CDH18: variants seen among roughly 807,000 people sequenced by gnomAD.
The protein encoded by CDH18 is cadherin 18.
Under a neutral mutation model 67.9 loss-of-function variants are expected in CDH18, and 31 were observed. The observed-to-expected ratio is 0.46, with a 90% CI of 0.34 to 0.62. CDH18 has a LOEUF of 0.62. CDH18 is among the 20% of genes least tolerant of loss of function. The probability of loss-of-function intolerance (pLI) is 0.01; values close to 1 mark genes in which losing one functional copy is unlikely to be tolerated. For missense variants in CDH18, 890 were observed against 975.5 expected (o/e 0.91, Z 1.17); for synonymous variants, 362 against 347.2 (o/e 1.04, Z -0.48).
At chr5:19,765,759 C>T (rs979321968) in intron 3 of CDH18, among the ~76,000 whole-genome samples, 2 of 152,084 alleles carry the variant, frequency 1.3e-5, no homozygotes, top group African/African-American at 2.4e-5. Context: ...TGGGGTTACT[C>T]AACCCAGGGT....
At position 20,039,047 on chromosome 5, in the gene CDH18, A is replaced by C. The variant is rs145788092; in HGVS notation, c.-517-47033T>G. Among the ~76,000 whole-genome samples, 3,164 of 152,080 alleles carry C rather than the reference A, an allele frequency of 0.021. 180 individuals carry two copies. In the East Asian group the frequency reaches 0.25, roughly 12 times the overall value. Reference sequence around the variant, plus strand: ...AAATCACAAGCATTCCTTTACACCAATAACAGACAAACAGAGAGCCAAATA... The same window carrying C: ...AAATCACAAGCATTCCTTTACACCACTAACAGACAAACAGAGAGCCAAATA... On this transcript the variant is annotated intron_variant, in intron 2 of 14. Transcript: ENST00000507958.
At chr5:20,177,520 ATTT>A (rs1737331517) in intron 2 of CDH18, among the ~76,000 whole-genome samples, 2 of 152,008 alleles carry the variant, frequency 1.3e-5, no homozygotes, top group Non-Finnish European at 2.9e-5. Context: ...GTGATGGTTA[ATTT>A]TATGTGTCAA....
chr5:19,713,361 C>T (rs1056513748), intron 5 of CDH18, among the ~76,000 whole-genome samples: 3 of 152,032 alleles, frequency 2.0e-5, no homozygotes, highest in Non-Finnish European at 2.9e-5. Context: ...TGAAGAAGTA[C>T]ATTCAATTGG....
intron 5 of CDH18, among the ~76,000 whole-genome samples, chr5:19,716,177 T>C (rs1238938746): frequency 2.0e-5 from 3 of 152,060 alleles, no homozygotes; most frequent in Non-Finnish European, 1.5e-5. Flanking sequence ...TTCCAAGGAC[T>C]GGACTAAGAG....
intron 2 of CDH18, among the ~76,000 whole-genome samples, chr5:19,841,345 A>T (rs1320714349): frequency 6.6e-6 from 1 of 152,194 alleles, no homozygotes; most frequent in African/African-American, 2.4e-5. Context: ...AGAGCATTGG[A>T]AAGAGAGTCA....
At chr5:19,817,124 C>T (rs190282105) in intron 3 of CDH18, among the ~76,000 whole-genome samples, 334 of 151,940 alleles carry the variant, frequency 2.2e-3, no homozygotes, top group African/African-American at 7.8e-3. Flanking sequence ...AAAACATCAT[C>T]AATTTTACTC....
At chr5:19,856,813 T>C (rs1784336031) in intron 2 of CDH18, among the ~76,000 whole-genome samples, 1 of 152,150 alleles carries the variant, frequency 6.6e-6, no homozygotes. Flanking sequence ...AAAATAAATT[T>C]CTGTTGTTTC....
intron 2 of CDH18, among the ~76,000 whole-genome samples, chr5:20,079,342 C>G (rs1438607768): frequency 6.6e-6 from 1 of 152,164 alleles, no homozygotes; most frequent in Non-Finnish European, 1.5e-5. Context: ...GCTTATCTCA[C>G]TTTACCTATG....
At chr5:20,296,236 T>G (rs113308001) in intron 1 of CDH18, among the ~76,000 whole-genome samples, 2,150 of 151,182 alleles carry the variant, frequency 0.014, 56 homozygotes, top group African/African-American at 0.047. Flanking sequence ...TAAGGTTTTT[T>G]TTTGTTTGTT....
At chr5:19,924,066 G>C (rs967430378) in intron 2 of CDH18, among the ~76,000 whole-genome samples, 1 of 152,108 alleles carries the variant, frequency 6.6e-6, no homozygotes, top group Non-Finnish European at 1.5e-5. Context: ...TTATTGCATG[G>C]AATATAACCC....
chr5:20,499,844 G>A (rs1348429905), intron 1 of CDH18, among the ~76,000 whole-genome samples: 1 of 152,126 alleles, frequency 6.6e-6, no homozygotes, highest in Non-Finnish European at 1.5e-5. Flanking sequence ...TAAATTTGCT[G>A]TATACTGACA....
At chr5:19,755,695 T>C (rs547176332) in intron 3 of CDH18, among the ~76,000 whole-genome samples, 1 of 151,486 alleles carries the variant, frequency 6.6e-6, no homozygotes, top group East Asian at 2.0e-4. Context: ...ATAAGCTTTC[T>C]GCAAGCTGAG....
At chr5:19,636,383 G>A (rs558240409) in intron 5 of CDH18, among the ~76,000 whole-genome samples, 3 of 151,644 alleles carry the variant, frequency 2.0e-5, no homozygotes, top group Non-Finnish European at 4.4e-5. Context: ...GCATCAAAAC[G>A]TTTTTTCCAA....
At chr5:19,762,316 T>C (rs1772467072) in intron 3 of CDH18, among the ~76,000 whole-genome samples, 3 of 152,206 alleles carry the variant, frequency 2.0e-5, no homozygotes, top group Middle Eastern at 3.4e-3. Flanking sequence ...ACCTACAGAA[T>C]GGGAGAAAAT....
intron 8 of CDH18, among the ~76,000 whole-genome samples, chr5:19,544,441 G>T (rs1483909726): frequency 6.6e-6 from 1 of 151,918 alleles, no homozygotes; most frequent in Non-Finnish European, 1.5e-5. Flanking sequence ...TGTAGCTAAG[G>T]TTTAAAAATA....
chr5:20,236,940 T>C (rs1742518062), intron 2 of CDH18, among the ~76,000 whole-genome samples: 1 of 151,890 alleles, frequency 6.6e-6, no homozygotes, highest in African/African-American at 2.4e-5. Context: ...AATCAAATCC[T>C]ATAGCTCTTA....
intron 9 of CDH18, among the ~76,000 whole-genome samples, chr5:19,526,374 A>G (rs1325663680): frequency 6.6e-6 from 1 of 152,176 alleles, no homozygotes; most frequent in Non-Finnish European, 1.5e-5. Context: ...ATAGTGATAC[A>G]GAGAAAGTGC....
rs531198099 is a variant in CDH18, at chr5:20,334,955, C to T, written c.-579-79450G>A. Among the ~76,000 whole-genome samples the T allele has an allele frequency of 2.0e-5, 3 of 152,252 alleles. No homozygotes were observed. In the South Asian group the frequency reaches 6.2e-4, roughly 32 times the overall value. ...TGGTCTTTCTCAATGATGCAACAGCCACTTTGGTCAATGCCTCCATTGCTT... is the reference window on the plus strand; with the variant it reads ...TGGTCTTTCTCAATGATGCAACAGCTACTTTGGTCAATGCCTCCATTGCTT... On this transcript the variant is annotated intron_variant, in intron 1 of 14. Coordinates refer to the CDH18 transcript ENST00000507958.
intron 2 of CDH18, among the ~76,000 whole-genome samples, chr5:20,139,948 C>T (rs1272759523): frequency 1.3e-5 from 2 of 152,236 alleles, no homozygotes; most frequent in East Asian, 3.9e-4. Context: ...TACCGTTTGA[C>T]CCACCCATCC....
Sources: gnomAD v4.1 joint callset for allele counts (sites outside exome capture counted in the v4.1 genomes callset) on GRCh38, gnomAD v4.1.1 for gene constraint, MANE v1.5 for transcripts, NCBI Gene and HGNC (gene_info 2026-07-23, HGNC 2026-07-21) for gene names.